Variants in SRP9 observed in about 807,000 individuals in gnomAD.
SRP9 encodes the protein signal recognition particle 9 kDa protein.
Under a neutral mutation model 11.7 loss-of-function variants are expected in SRP9, and 2 were observed. The ratio of observed to expected loss-of-function variants is 0.17; its 90% CI spans 0.07 to 0.54. SRP9 has a LOEUF of 0.54. Ranked by LOEUF, SRP9 falls within the 20% of genes least tolerant of loss-of-function variation. The pLI, the probability that SRP9 is intolerant of heterozygous loss-of-function variation, is 0.94. For missense variants in SRP9, 54 were observed against 108.1 expected (o/e 0.50, Z 2.22); for synonymous variants, 27 against 35.6 (o/e 0.76, Z 0.86).
rs1175031629 is a variant in SRP9, at chr1:225,790,425, T to C, written c.*1066T>C. 1 of 152,254 alleles carries C rather than the reference T, an allele frequency of 6.6e-6. No homozygotes were observed. The highest frequency in any genetic ancestry group is 1.9e-4 in the East Asian group (1 of 5,204). 9.4% of individuals were successfully genotyped at this position (152,254 alleles called of 1,614,324 possible). On this transcript the variant is annotated 3_prime_UTR_variant, in exon 3 of 3. Coordinates refer to ENST00000304786, the MANE Select transcript of SRP9 (RefSeq NM_003133.6). The stretch of plus-strand genomic sequence containing the variant: ...TCCCTTAGCTATATGAATTTTGGCA[T>C]GTTTCAGAGAGATCAGTAAATAAAA...
intron 1 of SRP9, among the ~76,000 whole-genome samples, chr1:225,778,726 C>G (rs755159159): frequency 6.6e-6 from 1 of 152,152 alleles, no homozygotes; most frequent in African/African-American, 2.4e-5. Flanking sequence ...TCGGGTCTTA[C>G]TTTTCGTCTC....
At chr1:225,780,670 C>T (rs1434481365) in intron 1 of SRP9, among the ~76,000 whole-genome samples, 1 of 152,146 alleles carries the variant, frequency 6.6e-6, no homozygotes, top group African/African-American at 2.4e-5. Context: ...GATCTTTGAA[C>T]CCCAAGTCCA....
At chr1:225,783,243 T>G in intron 1 of SRP9, 57 bp from the exon 2 acceptor site, 10 of 1,401,574 alleles carry the variant, frequency 7.1e-6, no homozygotes, top group Non-Finnish European at 1.0e-5. Flanking sequence ...AAGACTAAAT[T>G]ATTTATAAGA....
intron 1 of SRP9, among the ~76,000 whole-genome samples, chr1:225,781,959 A>C (rs1472927438): frequency 6.6e-6 from 1 of 152,050 alleles, no homozygotes; most frequent in African/African-American, 2.4e-5. Flanking sequence ...ACTCAGACAA[A>C]TCGCATATAG....
chr1:225,789,126 A>G, intron 2 of SRP9, 114 bp from the exon 3 acceptor site: 1 of 1,551,776 alleles, frequency 6.4e-7, no homozygotes, highest in Non-Finnish European at 8.7e-7. Context: ...TCCAAGGAGA[A>G]TAGAGCAAAA....
intron 1 of SRP9, among the ~76,000 whole-genome samples, chr1:225,779,202 T>A (rs1486251906): frequency 1.3e-5 from 2 of 151,268 alleles, no homozygotes; most frequent in African/African-American, 4.9e-5. Flanking sequence ...TGGAGTGCAA[T>A]GGCTCAATCT....
intron 1 of SRP9, among the ~76,000 whole-genome samples, chr1:225,779,719 T>G (rs934030029): frequency 6.6e-6 from 1 of 152,218 alleles, no homozygotes; most frequent in Non-Finnish European, 1.5e-5. Flanking sequence ...ATTGTATTTT[T>G]TAAATTGAGT....
At chr1:225,780,702 A>G (rs1466899416) in intron 1 of SRP9, among the ~76,000 whole-genome samples, 1 of 152,206 alleles carries the variant, frequency 6.6e-6, no homozygotes, top group African/African-American at 2.4e-5. Context: ...CTAGGGCTAA[A>G]GAACAAATTT....
chr1:225,782,601 T>C (rs147356002), intron 1 of SRP9, among the ~76,000 whole-genome samples: 2 of 152,354 alleles, frequency 1.3e-5, no homozygotes, highest in East Asian at 1.9e-4. Flanking sequence ...AGATGTCTTA[T>C]AGGAATATGC....
intron 1 of SRP9, among the ~76,000 whole-genome samples, chr1:225,781,122 TCTA>T (rs1373349276): frequency 2.0e-5 from 3 of 152,334 alleles, no homozygotes; most frequent in South Asian, 2.1e-4. Flanking sequence ...TCTGCCTTCT[TCTA>T]TAAGGTTAAA....
Position 225,777,939 on chromosome 1 carries a change from C to G in SRP9, c.-2C>G, listed in dbSNP as rs769054433. ...CTCTTTACTTTTCCACTCTAGGCCA[C>G]GATGCCGCAGTACCAGACCTGGGAG... On this transcript the variant is annotated 5_prime_UTR_variant, in exon 1 of 3. Transcript: ENST00000304786. The G allele has an allele frequency of 2.3e-5, 37 of 1,613,560 alleles. No individual in the cohort carries two copies. The highest frequency in any genetic ancestry group is 8.5e-7 in the Non-Finnish European group (1 of 1,179,600).
intron 2 of SRP9, among the ~76,000 whole-genome samples, chr1:225,788,451 C>G (rs1575955441): frequency 6.9e-6 from 1 of 145,390 alleles, no homozygotes; most frequent in East Asian, 2.1e-4. Flanking sequence ...GAATCTCACT[C>G]TGTCGCCCAG....
chr1:225,787,133 T>A (rs1665933775), intron 2 of SRP9: 1 of 232,310 alleles, frequency 4.3e-6, no homozygotes, highest in Non-Finnish European at 8.7e-6. Context: ...TGTGAACCAC[T>A]AAGTACTTCT....
chr1:225,787,052 C>A (rs970248559), intron 2 of SRP9: 3 of 302,232 alleles, frequency 9.9e-6, no homozygotes, highest in African/African-American at 2.3e-5. Context: ...TTATATTGCC[C>A]AGGTTGATCT....
intron 2 of SRP9, among the ~76,000 whole-genome samples, chr1:225,785,678 A>AGTT (rs1665894476): frequency 1.1e-5 from 1 of 91,782 alleles, no homozygotes; most frequent in Admixed American, 1.1e-4. Context: ...CTGTGCCTGG[A>AGTT]CTTTTTTTTT....
chr1:225,778,013 G>T lies in SRP9; in HGVS notation c.72+1G>T. On this transcript the variant is annotated splice_donor_variant, in intron 1 of 2. Transcript: ENST00000304786. LOFTEE classifies it high-confidence loss of function. ...GCTTTACCTCGCTGACCCTATGAAGGTAAATCGCTGGCGGGGCCGCTGCTT... is the reference window on the plus strand; with the variant it reads ...GCTTTACCTCGCTGACCCTATGAAGTTAAATCGCTGGCGGGGCCGCTGCTT... 6.2e-7 allele frequency: 1 copy of T among 1,614,216 alleles called. No individual in the cohort carries two copies. Among genetic ancestry groups the T allele is most frequent in the Non-Finnish European group, 8.5e-7 (1 of 1,180,034 alleles).
intron 2 of SRP9, among the ~76,000 whole-genome samples, chr1:225,786,188 G>A (rs1665907124): frequency 6.6e-6 from 1 of 152,176 alleles, no homozygotes; most frequent in Non-Finnish European, 1.5e-5. Context: ...CACCCCTAAT[G>A]TGGCCAGACT....
intron 2 of SRP9, chr1:225,788,931 C>T (rs1055481968): frequency 6.4e-6 from 9 of 1,411,588 alleles, no homozygotes; most frequent in Non-Finnish European, 8.5e-6. Flanking sequence ...AAGAAAATAT[C>T]TAATTCTAAG....
At chr1:225,785,228 G>T (rs1232723574) in intron 2 of SRP9, among the ~76,000 whole-genome samples, 6 of 147,002 alleles carry the variant, frequency 4.1e-5, no homozygotes, top group Non-Finnish European at 9.0e-5. Flanking sequence ...GCACCACCAC[G>T]CCCAACTAAT....
Sources: allele counts gnomAD v4.1 joint callset (sites outside exome capture counted in the v4.1 genomes callset), GRCh38; gene constraint gnomAD v4.1.1; transcripts MANE v1.5; gene names NCBI Gene and HGNC (gene_info 2026-07-23, HGNC 2026-07-21).